Variants in KCNIP4 observed in about 807,000 individuals in gnomAD.
KCNIP4 encodes the protein Kv channel-interacting protein 4.
KCNIP4 carries 12 observed loss-of-function variants against 34.0 expected under a neutral mutation model. That is an observed-to-expected ratio of 0.35 (90% CI 0.23 to 0.57). The LOEUF (loss-of-function observed/expected upper bound fraction) is 0.57. KCNIP4 is among the 20% of genes least tolerant of loss of function. The probability of loss-of-function intolerance (pLI) is 0.83; values close to 1 mark genes in which losing one functional copy is unlikely to be tolerated. For synonymous variants in KCNIP4, 124 were observed against 102.2 expected (o/e 1.21, Z -1.29); for missense variants, 238 against 311.7 (o/e 0.76, Z 1.78).
chr4:20,782,648 A>T (rs1756973409), intron 3 of KCNIP4, among the ~76,000 whole-genome samples: 1 of 152,124 alleles, frequency 6.6e-6, no homozygotes, highest in South Asian at 2.1e-4. Flanking sequence ...GACTACACAC[A>T]GCATGGGGAC....
At chr4:21,259,885 C>CTCTGTGTG (rs3221673) in intron 1 of KCNIP4, among the ~76,000 whole-genome samples, 1 of 145,906 alleles carries the variant, frequency 6.9e-6, no homozygotes, top group Non-Finnish European at 1.5e-5. Flanking sequence ...GCGCCCAAGA[C>CTCTGTGTG]TGTGTGTGTG....
At chr4:21,719,306 AGAG>A (rs1005353018) in intron 1 of KCNIP4, among the ~76,000 whole-genome samples, 1 of 152,206 alleles carries the variant, frequency 6.6e-6, no homozygotes, top group Non-Finnish European at 1.5e-5. Flanking sequence ...GAAGAAATAT[AGAG>A]GAGTCAATTT....
chr4:21,896,225 A>T (rs1469786280), intron 1 of KCNIP4, among the ~76,000 whole-genome samples: 1 of 152,198 alleles, frequency 6.6e-6, no homozygotes, highest in Non-Finnish European at 1.5e-5. Flanking sequence ...AGATACAGTC[A>T]CCACTCTCTT....
At chr4:21,788,982 A>G (rs1720091554) in intron 1 of KCNIP4, among the ~76,000 whole-genome samples, 1 of 149,448 alleles carries the variant, frequency 6.7e-6, no homozygotes, top group South Asian at 2.2e-4. Context: ...CTGAGGCAGA[A>G]GGATTGCTTG....
intron 1 of KCNIP4, among the ~76,000 whole-genome samples, chr4:21,457,418 C>T (rs777800930): frequency 3.4e-4 from 51 of 151,960 alleles, no homozygotes; most frequent in Non-Finnish European, 6.9e-4. Flanking sequence ...TCTCTAGCTC[C>T]TAATTCTCAG....
chr4:21,583,565 T>C (rs564177238), intron 1 of KCNIP4, among the ~76,000 whole-genome samples: 2 of 152,098 alleles, frequency 1.3e-5, no homozygotes, highest in Admixed American at 1.3e-4. Context: ...TTTCACAAAA[T>C]AAGTGCTATT....
intron 1 of KCNIP4, among the ~76,000 whole-genome samples, chr4:21,404,957 A>T (rs1723845841): frequency 6.6e-6 from 1 of 152,156 alleles, no homozygotes; most frequent in Non-Finnish European, 1.5e-5. Flanking sequence ...TCCTAGGCCT[A>T]TCTGTGCACT....
intron 5 of KCNIP4, among the ~76,000 whole-genome samples, chr4:20,736,969 T>C (rs1749763148): frequency 6.6e-6 from 1 of 152,128 alleles, no homozygotes; most frequent in East Asian, 1.9e-4. Context: ...TATAGAACAG[T>C]AGAATAGAAT....
chr4:21,946,682 A>G (rs937754948), intron 1 of KCNIP4, among the ~76,000 whole-genome samples: 18 of 152,242 alleles, frequency 1.2e-4, no homozygotes, highest in African/African-American at 4.3e-4. Flanking sequence ...TATTCTTCTC[A>G]TCATATGACA....
chr4:21,004,083 G>A (rs1738356613), intron 1 of KCNIP4, among the ~76,000 whole-genome samples: 1 of 152,200 alleles, frequency 6.6e-6, no homozygotes, highest in Non-Finnish European at 1.5e-5. Flanking sequence ...GGCATGAATA[G>A]ATTTGTATTT....
At position 21,842,120 on chromosome 4, in the gene KCNIP4, T is replaced by A. The variant is rs543310180; in HGVS notation, c.61+106451A>T. 6.6e-5 allele frequency among the ~76,000 whole-genome samples: 10 copies of A among 152,294 alleles called. No individual in the cohort carries two copies. The East Asian group carries it at 1.9e-3, about 29-fold the overall frequency. ...GGATTTATTATTCATCAATAAAATATATTATTTGCTAATTCATGCCCCAAA... is the reference window on the plus strand; with the variant it reads ...GGATTTATTATTCATCAATAAAATAAATTATTTGCTAATTCATGCCCCAAA... On this transcript the variant is annotated intron_variant, in intron 1 of 8. Coordinates refer to ENST00000382152, the MANE Select transcript of KCNIP4 (RefSeq NM_025221.6).
chr4:20,858,684 C>T (rs1721885789), intron 2 of KCNIP4, among the ~76,000 whole-genome samples: 1 of 152,170 alleles, frequency 6.6e-6, no homozygotes, highest in Admixed American at 6.5e-5. Context: ...CAAGTGTCTC[C>T]AGCAGCCCAA....
intron 1 of KCNIP4, among the ~76,000 whole-genome samples, chr4:21,658,586 A>G (rs1163813848): frequency 6.6e-6 from 1 of 152,074 alleles, no homozygotes; most frequent in African/African-American, 2.4e-5. Context: ...TATTTTTAGT[A>G]GAGACGGGGT....
At chr4:20,744,215 G>T (rs1167040448) in intron 5 of KCNIP4, among the ~76,000 whole-genome samples, 3 of 152,134 alleles carry the variant, frequency 2.0e-5, no homozygotes, top group Non-Finnish European at 2.9e-5. Flanking sequence ...TCCTCAAGGA[G>T]CTAGAACTAG....
chr4:20,863,700 T>C (rs368302594), intron 2 of KCNIP4, among the ~76,000 whole-genome samples: 1 of 113,310 alleles, frequency 8.8e-6, no homozygotes, highest in East Asian at 1.9e-4. Context: ...GGAGATCTCT[T>C]TCACTGTCAT....
chr4:21,051,749 A>G (rs1039863831), intron 1 of KCNIP4, among the ~76,000 whole-genome samples: 9 of 152,194 alleles, frequency 5.9e-5, no homozygotes, highest in African/African-American at 1.9e-4. Context: ...GCATATTGCA[A>G]AAGATACTTG....
chr4:21,738,135 ATAAT>A (rs1050468198), intron 1 of KCNIP4, among the ~76,000 whole-genome samples: 1 of 98,528 alleles, frequency 1.0e-5, no homozygotes, highest in East Asian at 2.4e-4. Context: ...AAATAAATAA[ATAAT>A]AAATAAAAGG....
At chr4:20,988,657 A>G (rs895148892) in intron 1 of KCNIP4, among the ~76,000 whole-genome samples, 5 of 152,248 alleles carry the variant, frequency 3.3e-5, no homozygotes, top group African/African-American at 9.6e-5. Context: ...ATCACAATGT[A>G]TATAGAAACT....
At chr4:20,847,701 T>C (rs1386717782) in intron 3 of KCNIP4, among the ~76,000 whole-genome samples, 1 of 152,164 alleles carries the variant, frequency 6.6e-6, no homozygotes, top group East Asian at 1.9e-4. Flanking sequence ...AGGGGATGTA[T>C]CAGAGATACC....
Sources: gnomAD v4.1 joint callset for allele counts (sites outside exome capture counted in the v4.1 genomes callset) on GRCh38, gnomAD v4.1.1 for gene constraint, MANE v1.5 for transcripts, NCBI Gene and HGNC (gene_info 2026-07-23, HGNC 2026-07-21) for gene names.